Variants in SNTG1 observed in about 807,000 individuals in gnomAD.
The protein encoded by SNTG1 is syntrophin gamma 1.
In SNTG1, 39 loss-of-function variants were observed where a neutral mutation model predicts 74.7. That is an observed-to-expected ratio of 0.52 (90% CI 0.40 to 0.68). The LOEUF (loss-of-function observed/expected upper bound fraction) is 0.68, where lower values mean the gene tolerates loss of function less well. SNTG1 is among the 30% of genes least tolerant of loss of function. The pLI is 0.00. For missense variants in SNTG1, 685 were observed against 609.5 expected, an observed-to-expected ratio of 1.12 and a Z score of -1.30; for synonymous variants, 254 against 217.1, an observed-to-expected ratio of 1.17 and a Z score of -1.49.
rs373373978 is a variant in SNTG1, at chr8:49,921,975, A to G, written c.-103+9744A>G. On this transcript the variant is annotated intron_variant, in intron 1 of 18. Coordinates refer to ENST00000642720, the MANE Select transcript of SNTG1 (RefSeq NM_018967.5). ...TAACGGTGTCTCTTTTTATTTTATCATCCTATTATATTCTCTTCTACGTGA... is the reference window on the plus strand; with the variant it reads ...TAACGGTGTCTCTTTTTATTTTATCGTCCTATTATATTCTCTTCTACGTGA... Among the ~76,000 whole-genome samples, 11 of 152,126 alleles carry G rather than the reference A, an allele frequency of 7.2e-5. No individual in the cohort carries two copies. The East Asian group carries it at 1.5e-3, about 21-fold the overall frequency.
At chr8:50,517,320 G>A (rs528429183) in intron 9 of SNTG1, among the ~76,000 whole-genome samples, 9 of 152,118 alleles carry the variant, frequency 5.9e-5, no homozygotes, top group South Asian at 2.1e-4. Context: ...AGGAAAAACC[G>A]ATACCAGCCA....
intron 12 of SNTG1, among the ~76,000 whole-genome samples, chr8:50,585,636 G>T (rs922615045): frequency 1.3e-5 from 2 of 151,964 alleles, no homozygotes; most frequent in African/African-American, 2.4e-5. Context: ...ACCAAGAGTA[G>T]AAAATTTTTA....
At chr8:50,219,073 G>A (rs2084931803) in intron 2 of SNTG1, among the ~76,000 whole-genome samples, 1 of 152,170 alleles carries the variant, frequency 6.6e-6, no homozygotes, top group African/African-American at 2.4e-5. Context: ...ACTATGAAGA[G>A]AAGAAAGTAA....
intron 1 of SNTG1, among the ~76,000 whole-genome samples, chr8:50,159,274 A>G (rs912489711): frequency 5.9e-5 from 9 of 152,072 alleles, no homozygotes; most frequent in African/African-American, 2.2e-4. Context: ...TAGGTATGCT[A>G]TAAACCAGTC....
intron 1 of SNTG1, among the ~76,000 whole-genome samples, chr8:49,935,307 A>G (rs1290522772): frequency 6.7e-6 from 1 of 150,176 alleles, no homozygotes; most frequent in Non-Finnish European, 1.5e-5. Context: ...TTGGAGAGCA[A>G]CCTACTCCGA....
At chr8:50,688,029 C>T (rs994065551) in intron 15 of SNTG1, among the ~76,000 whole-genome samples, 4 of 151,390 alleles carry the variant, frequency 2.6e-5, no homozygotes, top group African/African-American at 4.9e-5. Flanking sequence ...TTTTTTCATG[C>T]GTTTTTTGGC....
chr8:50,011,165 T>C (rs923985282), intron 1 of SNTG1, among the ~76,000 whole-genome samples: 3 of 152,146 alleles, frequency 2.0e-5, no homozygotes, highest in African/African-American at 4.8e-5. Context: ...CCTCATCTCA[T>C]TGAGAAATCT....
intron 2 of SNTG1, among the ~76,000 whole-genome samples, chr8:50,193,398 T>G (rs1050835967): frequency 2.6e-5 from 4 of 152,010 alleles, no homozygotes; most frequent in Non-Finnish European, 5.9e-5. Flanking sequence ...GTTTTTTTGT[T>G]TTCTTATTTG....
At chr8:50,281,710 C>T (rs2088465047) in intron 2 of SNTG1, among the ~76,000 whole-genome samples, 1 of 152,112 alleles carries the variant, frequency 6.6e-6, no homozygotes, top group South Asian at 2.1e-4. Context: ...TATAATTTTT[C>T]TCTCTACATT....
At chr8:50,189,256 A>G (rs2083483571) in intron 2 of SNTG1, among the ~76,000 whole-genome samples, 1 of 152,074 alleles carries the variant, frequency 6.6e-6, no homozygotes, top group African/African-American at 2.4e-5. Flanking sequence ...AGTACTTTTT[A>G]TTGTTATCCT....
chr8:50,676,347 T>C (rs2095309621), intron 15 of SNTG1, among the ~76,000 whole-genome samples: 1 of 151,990 alleles, frequency 6.6e-6, no homozygotes. Context: ...TCTGGTTTTT[T>C]CTGTATGGCT....
intron 2 of SNTG1, among the ~76,000 whole-genome samples, chr8:50,307,094 A>G (rs1200390109): frequency 6.6e-6 from 1 of 151,994 alleles, no homozygotes; most frequent in Non-Finnish European, 1.5e-5. Context: ...CTTTGACTGA[A>G]TATACCATGA....
At chr8:50,772,753 T>C (rs189686419) in intron 18 of SNTG1, among the ~76,000 whole-genome samples, 18 of 152,126 alleles carry the variant, frequency 1.2e-4, no homozygotes, top group African/African-American at 4.3e-4. Flanking sequence ...AGGGAACTGT[T>C]CAGGTCATGG....
intron 11 of SNTG1, among the ~76,000 whole-genome samples, chr8:50,538,753 A>T (rs896635443): frequency 1.3e-5 from 2 of 152,056 alleles, no homozygotes; most frequent in African/African-American, 4.8e-5. Flanking sequence ...TTTGACCTTT[A>T]TTCCTTCAAA....
intron 17 of SNTG1, among the ~76,000 whole-genome samples, chr8:50,714,709 C>T (rs1304640183): frequency 2.0e-5 from 3 of 152,090 alleles, no homozygotes; most frequent in East Asian, 1.9e-4. Context: ...TGAAAGTTAA[C>T]GTTCCAGGAG....
chr8:49,969,529 T>G (rs1310959489), intron 1 of SNTG1, among the ~76,000 whole-genome samples: 1 of 151,078 alleles, frequency 6.6e-6, no homozygotes. Flanking sequence ...CCCAAGTAAC[T>G]GGGATTACAG....
chr8:50,274,353 C>A (rs1178622028), intron 2 of SNTG1, among the ~76,000 whole-genome samples: 1 of 152,170 alleles, frequency 6.6e-6, no homozygotes, highest in South Asian at 2.1e-4. Context: ...TCCCAAAGTG[C>A]TGGGATTGCA....
rs1554542530 is a variant in SNTG1 at position 50,484,102 on chromosome 8, C to CTCTCTCTT, written c.364-18673_364-18672insCTCTTTCT. Among the ~76,000 whole-genome samples the CTCTCTCTT allele has an allele frequency of 9.0e-5, 10 of 110,864 alleles. No individual in the cohort carries two copies. In the South Asian group the frequency reaches 1.1e-3, roughly 12 times the overall value. 72.7% of individuals were successfully genotyped at this position (110,864 alleles called of 152,430 possible). A position where few individuals can be genotyped will look rare whatever the true frequency, so the allele number is the denominator to read the frequency against. On this transcript the variant is annotated intron_variant, in intron 8 of 18. Coordinates refer to ENST00000642720, the MANE Select transcript of SNTG1 (RefSeq NM_018967.5). ...TCTTTTTCTTTCTCTCTTTCTTTCTCTCTTTCTTTCTTTCTTTCTTTCTTT... is the reference window on the plus strand; with the variant it reads ...TCTTTTTCTTTCTCTCTTTCTTTCTCTCTCTCTTTCTTTCTTTCTTTCTTTCTTTCTTT...
intron 8 of SNTG1, among the ~76,000 whole-genome samples, chr8:50,465,646 T>C (rs938671823): frequency 6.6e-6 from 1 of 152,212 alleles, no homozygotes; most frequent in African/African-American, 2.4e-5. Context: ...ATGGATCATT[T>C]CACTGTTTCT....
Sources: gnomAD v4.1 joint callset for allele counts (sites outside exome capture counted in the v4.1 genomes callset) on GRCh38, gnomAD v4.1.1 for gene constraint, MANE v1.5 for transcripts, NCBI Gene and HGNC (gene_info 2026-07-23, HGNC 2026-07-21) for gene names.